Variants in DYNC2H1 observed in about 807,000 individuals in gnomAD.
The protein encoded by DYNC2H1 is dynein cytoplasmic 2 heavy chain 1.
Under a neutral mutation model 570.0 loss-of-function variants are expected in DYNC2H1, and 410 were observed. That is an observed-to-expected ratio of 0.72 (90% CI 0.66 to 0.78). The LOEUF is 0.78. Ranked by LOEUF, DYNC2H1 falls within the 30% of genes least tolerant of loss-of-function variation. The probability of loss-of-function intolerance (pLI) is 0.00; values close to 1 mark genes in which losing one functional copy is unlikely to be tolerated. For missense variants in DYNC2H1, 4,865 were observed against 5,046.4 expected (o/e 0.96, Z 1.09); for synonymous variants, 1,688 against 1,677.6 (o/e 1.01, Z -0.15).
chr11:103,427,051 A>T (rs1158217609), intron 84 of DYNC2H1, among the ~76,000 whole-genome samples: 2 of 152,212 alleles, frequency 1.3e-5, no homozygotes, highest in Non-Finnish European at 2.9e-5. Flanking sequence ...TTTATAGATC[A>T]AATGTTAACG....
At position 103,109,678 on chromosome 11, in the gene DYNC2H1, A is replaced by G. The variant is rs376692485; in HGVS notation, c.104A>G (p.Asn35Ser). The G allele has an allele frequency of 9.9e-6, 16 of 1,613,832 alleles. No individual in the cohort carries two copies. The East Asian group carries it at 1.8e-4, about 18-fold the overall frequency. Reference protein sequence around the residue: ...SELWDQPLLCNCLEINNFLDD... With the variant: ...SELWDQPLLCSCLEINNFLDD... ...CTCTGGGATCAGCCACTGTTGTGCA[A>G]CTGTCTTGAAATCAACAACTTCTTG... Residue 35 changes from asparagine (N) to serine (S), a missense_variant, in exon 1 of 89, where the codon AAC becomes AGC. Asn to Ser is a conservative substitution (Grantham distance 46, BLOSUM62 1). This residue lies in a region of DYNC2H1 where 1,936 missense variants were observed against 1,962.1 expected (regional missense o/e 0.99). Transcript: ENST00000375735.
rs1682896684 is a variant in DYNC2H1, at chr11:103,252,360, G to T, written c.10043-925G>T. 6.6e-6 allele frequency among the ~76,000 whole-genome samples: 1 copy of T among 151,836 alleles called. No homozygotes were observed. The highest frequency in any genetic ancestry group is 2.1e-4 in the South Asian group (1 of 4,808). On this transcript the variant is annotated intron_variant, in intron 65 of 88. Transcript: ENST00000375735. This position sits in a 1 kb window ranked among gnomAD's most constrained non-coding sequence, Gnocchi z 4.6. ...ATGAGGTGGTGACTTATTTCCTTTG[G>T]GCATATACCCAGAAAAAAGATTGCT...
At chr11:103,384,107 A>G (rs1340707036) in intron 83 of DYNC2H1, among the ~76,000 whole-genome samples, 1 of 152,154 alleles carries the variant, frequency 6.6e-6, no homozygotes, top group Non-Finnish European at 1.5e-5. Context: ...ATATTCTGCT[A>G]TTGTTGACTG....
intron 83 of DYNC2H1, among the ~76,000 whole-genome samples, chr11:103,378,516 G>A (rs561322479): frequency 2.0e-5 from 3 of 152,258 alleles, no homozygotes; most frequent in South Asian, 4.1e-4. Context: ...GGCTAGGACT[G>A]CTTAGATACT....
At chr11:103,284,672 C>A (rs1010059588) in intron 73 of DYNC2H1, among the ~76,000 whole-genome samples, 1 of 152,002 alleles carries the variant, frequency 6.6e-6, no homozygotes, top group Non-Finnish European at 1.5e-5. Context: ...AATTTATTTT[C>A]TGCTATTTAA....
rs867227409 is a variant in DYNC2H1 at position 103,158,732 on chromosome 11, G to T, written c.4183G>T (p.Ala1395Ser). 6.5e-7 allele frequency: 1 copy of T among 1,526,724 alleles called. No homozygotes were observed. Among genetic ancestry groups the T allele is most frequent in the Non-Finnish European group, 8.9e-7 (1 of 1,127,706 alleles). 94.6% of individuals were successfully genotyped at this position (1,526,724 alleles called of 1,614,324 possible). ...TAGAGTCACAACATTAACTACTCATGCTGGAATAAGAAATTCTCTACTAAC... is the reference window on the plus strand; with the variant it reads ...TAGAGTCACAACATTAACTACTCATTCTGGAATAAGAAATTCTCTACTAAC... The part of the protein sequence containing the change: ...DNRVTTLTTH[A>S]GIRNSLLTIL... Residue 1395 changes from alanine to serine, a missense_variant, in exon 27 of 89, where the codon GCT becomes TCT. Coordinates refer to ENST00000375735, the MANE Select transcript of DYNC2H1 (RefSeq NM_001377.3).
At chr11:103,406,689 C>T (rs1461920814) in intron 84 of DYNC2H1, 1 of 151,902 alleles carries the variant, frequency 6.6e-6, no homozygotes, top group African/African-American at 2.4e-5. Flanking sequence ...TATCATTCAA[C>T]CTATATGATT....
rs530695516 is a variant in DYNC2H1, at chr11:103,451,568, C to T, written c.12457-3618C>T. Among the ~76,000 whole-genome samples the T allele has an allele frequency of 5.3e-5, 8 of 152,044 alleles. No individual in the cohort carries two copies. In the South Asian group the frequency reaches 8.3e-4, roughly 16 times the overall value. On this transcript the variant is annotated intron_variant, in intron 85 of 88. Coordinates refer to ENST00000375735, the MANE Select transcript of DYNC2H1 (RefSeq NM_001377.3). ...GGATGGTCTCGATCTCTTGACCTCA[C>T]GATCCCCAAACCTCAGCTTCCCAAA...
chr11:103,361,901 C>T (rs569089608), intron 83 of DYNC2H1, among the ~76,000 whole-genome samples: 7 of 152,180 alleles, frequency 4.6e-5, no homozygotes, highest in East Asian at 1.9e-4. Context: ...TTAAACAAAA[C>T]GAGGACAGAA....
chr11:103,162,835 TTTA>T lies in DYNC2H1; in HGVS notation c.4492-189_4492-187del, dbSNP rs375444944. 4.3e-4 allele frequency among the ~76,000 whole-genome samples: 66 copies of T among 152,316 alleles called. 1 individual carries two copies. In the South Asian group the frequency reaches 0.013, roughly 31 times the overall value. ...TGTTTTATTCAAATTATTTAAACTGTTTATTAAGAAAATAAAGAATTATATTCC... is the reference window on the plus strand; with the variant it reads ...TGTTTTATTCAAATTATTTAAACTGTTTAAGAAAATAAAGAATTATATTCC... On this transcript the variant is annotated intron_variant, in intron 29 of 88. Transcript: ENST00000375735.
intron 47 of DYNC2H1, among the ~76,000 whole-genome samples, chr11:103,195,508 G>T (rs1472134817): frequency 6.6e-6 from 1 of 152,150 alleles, no homozygotes; most frequent in Non-Finnish European, 1.5e-5. Flanking sequence ...GTATGTATCT[G>T]TCCTTCTGCC....
intron 75 of DYNC2H1, among the ~76,000 whole-genome samples, chr11:103,288,684 TAAAAAAAAAAA>T (rs57040929): frequency 3.9e-4 from 11 of 27,904 alleles, no homozygotes; most frequent in African/African-American, 9.5e-4. Context: ...CCGTCTCTAC[TAAAAAAAAAAA>T]AAAAAAAAAA....
chr11:103,339,207 T>C (rs1376303105), intron 82 of DYNC2H1, among the ~76,000 whole-genome samples: 1 of 151,922 alleles, frequency 6.6e-6, no homozygotes, highest in Non-Finnish European at 1.5e-5. Context: ...CTGCCTTGAG[T>C]TGGGGGAGGG....
chr11:103,411,904 A>G (rs1462425259), intron 84 of DYNC2H1, among the ~76,000 whole-genome samples: 2 of 152,140 alleles, frequency 1.3e-5, no homozygotes, highest in African/African-American at 2.4e-5. Flanking sequence ...TATTATTTGC[A>G]TGAAAATGAA....
chr11:103,379,055 G>C (rs944944260), intron 83 of DYNC2H1, among the ~76,000 whole-genome samples: 1 of 152,098 alleles, frequency 6.6e-6, no homozygotes, highest in Non-Finnish European at 1.5e-5. Flanking sequence ...GGTATATTAG[G>C]TTCGCTGCTG....
chr11:103,329,231 T>G (rs1022643858), intron 82 of DYNC2H1, among the ~76,000 whole-genome samples: 1 of 151,626 alleles, frequency 6.6e-6, no homozygotes, highest in African/African-American at 2.4e-5. Flanking sequence ...TTGAAAGAAT[T>G]TTAGCAAGAG....
At position 103,323,908 on chromosome 11, in the gene DYNC2H1, A is replaced by G; in HGVS notation, c.11957A>G (p.Lys3986Arg). The G allele has an allele frequency of 6.2e-7, 1 of 1,612,602 alleles. No homozygotes were observed. Among genetic ancestry groups the G allele is most frequent in the African/African-American group, 1.3e-5 (1 of 75,038 alleles). The change falls in exon 82 of 89, where the codon AAA (lysine) becomes AGA (arginine). Residue 3986 changes from lysine to arginine, a missense_variant. This residue lies in a region of DYNC2H1 where 2,401 missense variants were observed against 2,454.6 expected (regional missense o/e 0.98). Transcript: ENST00000375735. ...TAGGACTATCGTGCTGTCATTGAGA[A>G]AATTCCAGAGGACGACAAACCTAGT... is the stretch of plus-strand genomic sequence containing the variant. ...SILDYRAVIE[K>R]IPEDDKPSFF...
intron 85 of DYNC2H1, among the ~76,000 whole-genome samples, chr11:103,436,902 AC>A (rs2135755695): frequency 6.6e-6 from 1 of 152,156 alleles, no homozygotes; most frequent in South Asian, 2.1e-4. Flanking sequence ...CAGTATCCTA[AC>A]TCACTTTTCT....
At chr11:103,192,075 A>AAAATT in intron 46 of DYNC2H1, 22 bp from the exon 47 acceptor site, 1 of 1,437,292 alleles carries the variant, frequency 7.0e-7, no homozygotes, top group Non-Finnish European at 9.3e-7. Context: ...ATTACAATTA[A>AAAATT]ATAAAATTTT....
Sources: allele counts gnomAD v4.1 joint callset (sites outside exome capture counted in the v4.1 genomes callset), GRCh38; gene constraint gnomAD v4.1.1; regional missense constraint gnomAD v4.1.1; non-coding constraint Gnocchi (gnomAD v3.1); transcripts MANE v1.5; gene names NCBI Gene and HGNC (gene_info 2026-07-23, HGNC 2026-07-21).